The following POFUT1 variants were observed in gnomAD, a reference collection of about 807,000 sequenced individuals.
POFUT1 encodes the protein protein O-fucosyltransferase 1.
POFUT1 carries 16 observed loss-of-function variants against 42.4 expected under a neutral mutation model. That is an observed-to-expected ratio of 0.38 (90% CI 0.26 to 0.57). The LOEUF is 0.57. POFUT1 is among the 20% of genes least tolerant of loss of function. The pLI is 0.71. For synonymous variants in POFUT1, 206 were observed against 205.4 expected, an observed-to-expected ratio of 1.00 and a Z score of -0.03; for missense variants, 470 against 504.6, an observed-to-expected ratio of 0.93 and a Z score of 0.66.
intron 4 of POFUT1, among the ~76,000 whole-genome samples, chr20:32,227,287 T>G (rs1015621605): frequency 1.6e-4 from 24 of 152,110 alleles, no homozygotes; most frequent in African/African-American, 5.6e-4. Context: ...GAGGCCTAAG[T>G]AGGCAGATCA....
intron 6 of POFUT1, among the ~76,000 whole-genome samples, chr20:32,234,210 T>G (rs1448421334): frequency 6.6e-6 from 1 of 152,282 alleles, no homozygotes; most frequent in Admixed American, 6.5e-5. Flanking sequence ...GAAGCAGCAT[T>G]CCAGGCAGAG....
intron 4 of POFUT1, chr20:32,217,514 A>T: frequency 8.1e-6 from 8 of 988,180 alleles, no homozygotes; most frequent in Non-Finnish European, 8.4e-6. Flanking sequence ...TGGGAGGCCA[A>T]GGTGGGTGGA....
intron 2 of POFUT1, 101 bp from the exon 3 acceptor site, chr20:32,215,168 C>T (rs1032826230): frequency 2.0e-5 from 17 of 859,434 alleles, no homozygotes; most frequent in Admixed American, 6.9e-5. Flanking sequence ...GGATTACAGG[C>T]GTGAGCCACT....
intron 4 of POFUT1, among the ~76,000 whole-genome samples, chr20:32,225,507 G>A (rs2047410471): frequency 6.6e-6 from 1 of 151,660 alleles, no homozygotes; most frequent in Non-Finnish European, 1.5e-5. Context: ...AATTTTTTTT[G>A]AGACAAGGTC....
intron 5 of POFUT1, 120 bp downstream of exon 5, chr20:32,228,575 G>T: frequency 2.4e-6 from 2 of 824,030 alleles, no homozygotes; most frequent in Admixed American, 2.9e-5. Flanking sequence ...GTTCTGGTTC[G>T]TGGGATTGTG....
Position 32,212,086 on chromosome 20 carries a change from A to G in POFUT1, c.246+1894A>G, listed in dbSNP as rs143172241. On this transcript the variant is annotated intron_variant, in intron 2 of 6. Transcript: ENST00000375749. ...ACCTCAGGATTAAATGTGCAAATCT[A>G]TGTAAAGTGATGAGTGCAGTACCTA... Among the ~76,000 whole-genome samples, 664 of 152,308 alleles carry G rather than the reference A, an allele frequency of 4.4e-3. 9 individuals carry two copies. Among genetic ancestry groups the G allele is most frequent in the African/African-American group, 0.014 (597 of 41,572 alleles).
In POFUT1 at chr20:32,237,776, GTTAA is replaced by G; in HGVS notation, c.*3116_*3119del. The G allele has an allele frequency of 1.1e-5, 6 of 534,718 alleles. No homozygotes were observed. The highest frequency in any genetic ancestry group is 2.3e-5 in the Non-Finnish European group (6 of 260,076). The allele number at this position is 534,718 out of a possible 1,614,324, so 33.1% of individuals were successfully genotyped here. A position where few individuals can be genotyped will look rare whatever the true frequency, so the allele number is the denominator to read the frequency against. On this transcript the variant is annotated 3_prime_UTR_variant, in exon 7 of 7. Coordinates refer to ENST00000375749, the MANE Select transcript of POFUT1 (RefSeq NM_015352.2). Reference sequence around the variant, plus strand: ...AAAGCAGAGAGACCAGTGCAGGGCTGTTAACAGGGTTGCAGGCGAGAGACTGGGG... The same window carrying G: ...AAAGCAGAGAGACCAGTGCAGGGCTGCAGGGTTGCAGGCGAGAGACTGGGG...
chr20:32,231,281 G>A, intron 6 of POFUT1: 1 of 554,714 alleles, frequency 1.8e-6, no homozygotes. Flanking sequence ...TATCCCTGCT[G>A]GGACCTTCGT....
rs987353358 is a variant in POFUT1, at chr20:32,237,817, C to T, written c.*3156C>T. The T allele has an allele frequency of 1.9e-6, 1 of 534,446 alleles. No homozygotes were observed. The allele number at this position is 534,446 out of a possible 1,614,324, so 33.1% of individuals were successfully genotyped here. On this transcript the variant is annotated 3_prime_UTR_variant, in exon 7 of 7. Coordinates refer to ENST00000375749, the MANE Select transcript of POFUT1 (RefSeq NM_015352.2). ...GCGAGAGACTGGGGTGCTGGGCTCC[C>T]CTAGACTAGGACTCCAGTGCCCTCC...
Position 32,237,334 on chromosome 20 carries a change from C to A in POFUT1, c.*2673C>A, listed in dbSNP as rs899941615. ...AAGATGTAATAAATGTACTGTGGGA[C>A]ATGTTAATAAGTGCTATAAAGAAAT... is the stretch of plus-strand genomic sequence containing the variant. On this transcript the variant is annotated 3_prime_UTR_variant, in exon 7 of 7. Transcript: ENST00000375749. 1 of 156,820 alleles carries A rather than the reference C, an allele frequency of 6.4e-6. No homozygotes were observed. The highest frequency in any genetic ancestry group is 2.4e-5 in the African/African-American group (1 of 41,524). 9.7% of individuals were successfully genotyped at this position (156,820 alleles called of 1,614,324 possible). A position where few individuals can be genotyped will look rare whatever the true frequency, so the allele number is the denominator to read the frequency against.
Position 32,207,884 on chromosome 20 carries a change from G to A in POFUT1, c.-58G>A, listed in dbSNP as rs2047300003. 5 of 1,397,988 alleles carry A rather than the reference G, an allele frequency of 3.6e-6. No individual in the cohort carries two copies. In the Admixed American group the frequency reaches 1.3e-4, roughly 38 times the overall value. The allele number at this position is 1,397,988 out of a possible 1,614,324, so 86.6% of individuals were successfully genotyped here. A position where few individuals can be genotyped will look rare whatever the true frequency, so the allele number is the denominator to read the frequency against. On this transcript the variant is annotated 5_prime_UTR_variant, in exon 1 of 7. Coordinates refer to ENST00000375749, the MANE Select transcript of POFUT1 (RefSeq NM_015352.2). ...ACCGCTGGGAGCGGGGCGGGCGCTC[G>A]CGTCCCTCCTTCCCTCCCCGACTGT...
chr20:32,215,274 T>C lies in POFUT1; in HGVS notation c.252T>C (p.His84=), dbSNP rs2047353168. ...TGCTCCTCCTTTTCCTGTAGCTCCA[T>C]GTGTCCTACCAGAAGTACTTCAAGC... ...QHHKPPFTNL[H]VSYQKYFKLE... Residue 84 remains histidine (H), a synonymous_variant, in exon 3 of 7, where the codon CAT becomes CAC. Coordinates refer to ENST00000375749, the MANE Select transcript of POFUT1 (RefSeq NM_015352.2). 2.5e-6 allele frequency: 4 copies of C among 1,608,732 alleles called. No homozygotes were observed. The highest frequency in any genetic ancestry group is 3.4e-6 in the Non-Finnish European group (4 of 1,175,532).
chr20:32,226,025 A>G (rs2047413138), intron 4 of POFUT1, among the ~76,000 whole-genome samples: 1 of 152,166 alleles, frequency 6.6e-6, no homozygotes, highest in Non-Finnish European at 1.5e-5. Flanking sequence ...GTCTATAGTA[A>G]AAGTGCAATC....
rs2047478379 is a variant in POFUT1 at position 32,237,622 on chromosome 20, G to A, written c.*2961G>A. 3.2e-6 allele frequency: 1 copy of A among 312,388 alleles called. No homozygotes were observed. Among genetic ancestry groups the A allele is most frequent in the Non-Finnish European group, 6.8e-6 (1 of 147,294 alleles). The allele number at this position is 312,388 out of a possible 1,614,324, so 19.4% of individuals were successfully genotyped here. On this transcript the variant is annotated 3_prime_UTR_variant, in exon 7 of 7. Coordinates refer to ENST00000375749, the MANE Select transcript of POFUT1 (RefSeq NM_015352.2). ...TCTGCAGCCTGGACGGCCATGGCAGGAAGCTTTTAGTTGGAGAGATACAGG... is the reference window on the plus strand; with the variant it reads ...TCTGCAGCCTGGACGGCCATGGCAGAAAGCTTTTAGTTGGAGAGATACAGG...
chr20:32,225,398 A>G (rs2047409764), intron 4 of POFUT1, among the ~76,000 whole-genome samples: 1 of 152,080 alleles, frequency 6.6e-6, no homozygotes, highest in Non-Finnish European at 1.5e-5. Flanking sequence ...CGTGTTAGCC[A>G]GGATGGTCTC....
At chr20:32,225,740 T>G (rs1036254823) in intron 4 of POFUT1, among the ~76,000 whole-genome samples, 2 of 152,024 alleles carry the variant, frequency 1.3e-5, no homozygotes, top group African/African-American at 2.4e-5. Context: ...TCTGCCCACC[T>G]CAGCCTCCCA....
intron 1 of POFUT1, among the ~76,000 whole-genome samples, chr20:32,208,648 C>CAA (rs67714814): frequency 0.014 from 1,350 of 93,386 alleles, 35 homozygotes; most frequent in Admixed American, 0.05. Flanking sequence ...AATCCAATCT[C>CAA]AAAAAAAAAA....
chr20:32,209,660 G>A (rs1303275076), intron 1 of POFUT1, among the ~76,000 whole-genome samples: 1 of 152,224 alleles, frequency 6.6e-6, no homozygotes, highest in Admixed American at 6.5e-5. Flanking sequence ...GTAGCTCAGA[G>A]CCAAGGTGGG....
At chr20:32,221,804 A>G (rs944739791) in intron 4 of POFUT1, among the ~76,000 whole-genome samples, 4 of 152,112 alleles carry the variant, frequency 2.6e-5, no homozygotes, top group Admixed American at 1.3e-4. Flanking sequence ...ATTGCCTTCA[A>G]CCAATAACCC....
Sources: allele counts gnomAD v4.1 joint callset (sites outside exome capture counted in the v4.1 genomes callset), GRCh38; gene constraint gnomAD v4.1.1; transcripts MANE v1.5; gene names NCBI Gene and HGNC (gene_info 2026-07-23, HGNC 2026-07-21).